ZNF512B: variants seen among roughly 807,000 people sequenced by gnomAD.
The protein encoded by ZNF512B is zinc finger protein 512B.
Under a neutral mutation model 87.8 loss-of-function variants are expected in ZNF512B, and 22 were observed. The observed-to-expected ratio is 0.25, with a 90% CI of 0.18 to 0.36. The LOEUF (loss-of-function observed/expected upper bound fraction) is 0.36. Among genes scored for constraint, ZNF512B ranks in the 10% least tolerant of loss-of-function variants. The pLI is 1.00. For synonymous variants in ZNF512B, 524 were observed against 490.9 expected (o/e 1.07, Z -0.89); for missense variants, 1,060 against 1,231.6 (o/e 0.86, Z 2.09).
chr20:63,967,575 C>T (rs751790188), intron 2 of ZNF512B, 52 bp from the exon 3 acceptor site: 1 of 1,534,606 alleles, frequency 6.5e-7, no homozygotes, highest in East Asian at 2.3e-5. Context: ...CCGCCTACCA[C>T]CGGCGGCTGC....
rs759644888 is a variant in ZNF512B, at chr20:63,963,620, T to C, written c.1696A>G (p.Lys566Glu). The C allele has an allele frequency of 6.2e-7, 1 of 1,613,518 alleles. No homozygotes were observed. The highest frequency in any genetic ancestry group is 1.7e-5 in the Admixed American group (1 of 60,020). Reference sequence around the variant, plus strand: ...GGGAGCTGGGGGCCCGACGGTACCTTGGCACTGTGCTCGGCCATAGTGTGG... The same window carrying C: ...GGGAGCTGGGGGCCCGACGGTACCTCGGCACTGTGCTCGGCCATAGTGTGG... ...NYHTMAEHSA[K>E]PSDAEASEGG... The change falls in exon 10 of 17, where the codon AAG becomes GAG. Residue 566 changes from lysine to glutamate, a missense_variant and splice_region_variant. Lys to Glu is a moderately conservative substitution (Grantham distance 56). This residue lies in a region of ZNF512B where 165 missense variants were observed against 173.0 expected (regional missense o/e 0.95). Transcript: ENST00000369888.
chr20:63,962,833 A>T lies in ZNF512B; in HGVS notation c.1969-52T>A, dbSNP rs769846342. On this transcript the variant is annotated intron_variant, in intron 12 of 16. Coordinates refer to ENST00000369888, the MANE Select transcript of ZNF512B (RefSeq NM_020713.3). The stretch of plus-strand genomic sequence containing the variant: ...AGAGTGAGCCGCGGGAGCAAGAGTC[A>T]GGTCAGCGCGCGGCGAGGCCACCCT... The T allele has an allele frequency of 2.0e-6, 3 of 1,511,162 alleles. No homozygotes were observed. The Admixed American group carries it at 6.5e-5, about 33-fold the overall frequency. 93.6% of individuals were successfully genotyped at this position (1,511,162 alleles called of 1,614,324 possible). A position where few individuals can be genotyped will look rare whatever the true frequency, so the allele number is the denominator to read the frequency against.
chr20:63,960,031 G>A lies in ZNF512B; in HGVS notation c.2536C>T (p.Arg846Ter), dbSNP rs1000896185. 3 of 1,613,794 alleles carry A rather than the reference G, an allele frequency of 1.9e-6. No individual in the cohort carries two copies. Among genetic ancestry groups the A allele is most frequent in the Non-Finnish European group, 1.7e-6 (2 of 1,180,022 alleles). The change falls in exon 17 of 17, where the codon CGA becomes TGA. Residue 846 changes from arginine to a stop codon, truncating the protein, a stop_gained. Transcript: ENST00000369888. LOFTEE classifies it high-confidence loss of function. The part of the protein sequence containing the change: ...KNLAGGKKRG[R>*]KPKERTPEEP... Reference sequence around the variant, plus strand: ...TCTGGGGTCCGCTCCTTGGGCTTTCGGCCCCGCTTCTTTCCACCTGCCAGA... The same window carrying A: ...TCTGGGGTCCGCTCCTTGGGCTTTCAGCCCCGCTTCTTTCCACCTGCCAGA...
chr20:63,963,621 G>A lies in ZNF512B; in HGVS notation c.1695C>T (p.Ala565=). ...GGAGCTGGGGGCCCGACGGTACCTT[G>A]GCACTGTGCTCGGCCATAGTGTGGT... ...LNYHTMAEHS[A]KPSDAEASEG... Residue 565 remains alanine (A), a synonymous_variant, in exon 10 of 17, where the codon GCC becomes GCT. Coordinates refer to ENST00000369888, the MANE Select transcript of ZNF512B (RefSeq NM_020713.3). The A allele has an allele frequency of 6.2e-7, 1 of 1,613,558 alleles. No individual in the cohort carries two copies. Among genetic ancestry groups the A allele is most frequent in the Non-Finnish European group, 8.5e-7 (1 of 1,180,000 alleles).
chr20:63,957,502 G>A lies in ZNF512B; in HGVS notation c.*2386C>T, dbSNP rs1057498724. On this transcript the variant is annotated 3_prime_UTR_variant, in exon 17 of 17. Coordinates refer to ENST00000369888, the MANE Select transcript of ZNF512B (RefSeq NM_020713.3). ...TCTGCGGACCAGCATGTGGCAGAGG[G>A]AGGGCAGAAAGGAGGGGGTCAGACC... The A allele has an allele frequency of 3.3e-5, 5 of 152,676 alleles. No homozygotes were observed. The highest frequency in any genetic ancestry group is 7.3e-5 in the Non-Finnish European group (5 of 68,150). 9.5% of individuals were successfully genotyped at this position (152,676 alleles called of 1,614,324 possible). A position where few individuals can be genotyped will look rare whatever the true frequency, so the allele number is the denominator to read the frequency against.
chr20:63,960,993 C>T (rs961220441), intron 16 of ZNF512B, among the ~76,000 whole-genome samples: 2 of 150,280 alleles, frequency 1.3e-5, no homozygotes, highest in African/African-American at 4.9e-5. Context: ...ACACAGCCTT[C>T]GGGACCAGGC....
chr20:63,963,020 T>C, intron 12 of ZNF512B, 75 bp downstream of exon 12: 1 of 1,455,712 alleles, frequency 6.9e-7, no homozygotes, highest in Non-Finnish European at 9.1e-7. Flanking sequence ...ACAAATACAG[T>C]TGGCACCCAA....
Position 63,960,037 on chromosome 20 carries a change from G to T in ZNF512B, c.2530C>A (p.Arg844=). ...GTCCGCTCCTTGGGCTTTCGGCCCC[G>T]CTTCTTTCCACCTGCCAGATTTTTC... is the stretch of plus-strand genomic sequence containing the variant. ...KKKNLAGGKK[R]GRKPKERTPE... is the part of the protein sequence containing the mutation. Residue 844 remains arginine (R), a synonymous_variant, in exon 17 of 17, where the codon CGG becomes AGG. Transcript: ENST00000369888. 1 of 1,613,844 alleles carries T rather than the reference G, an allele frequency of 6.2e-7. No homozygotes were observed. The highest frequency in any genetic ancestry group is 8.5e-7 in the Non-Finnish European group (1 of 1,180,012).
rs2058962792 is a variant in ZNF512B, at chr20:63,969,822, C to T, written c.-11G>A. 7.9e-6 allele frequency: 1 copy of T among 127,370 alleles called. No individual in the cohort carries two copies. Among genetic ancestry groups the T allele is most frequent in the South Asian group, 2.2e-4 (1 of 4,480 alleles). The allele number at this position is 127,370 out of a possible 1,614,324, so 7.9% of individuals were successfully genotyped here. The stretch of plus-strand genomic sequence containing the variant: ...CGCGGCCGGGCGCTTACCTGCGGCG[C>T]CCAGCGGGGCTGCGGCCGGGCCGGG... On this transcript the variant is annotated 5_prime_UTR_variant, in exon 1 of 17. Coordinates refer to ENST00000369888, the MANE Select transcript of ZNF512B (RefSeq NM_020713.3).
chr20:63,962,054 C>G (rs1450852654), intron 14 of ZNF512B, 50 bp from the exon 15 acceptor site: 8 of 1,532,908 alleles, frequency 5.2e-6, no homozygotes, highest in Non-Finnish European at 7.1e-6. Flanking sequence ...CACCCCACAC[C>G]AAGATATACC....
rs2058829924 is a variant in ZNF512B at position 63,959,876 on chromosome 20, C to G, written c.*12G>C. 7 of 1,560,018 alleles carry G rather than the reference C, an allele frequency of 4.5e-6. No individual in the cohort carries two copies. The highest frequency in any genetic ancestry group is 1.7e-4 in the Middle Eastern group (1 of 5,818). ...TGGCGGCTGCATGGGGGCCAGGCCC[C>G]ACGCACCATGCTCACTTTTCAGGCG... On this transcript the variant is annotated 3_prime_UTR_variant, in exon 17 of 17. Transcript: ENST00000369888.
Position 63,959,860 on chromosome 20 carries a change from C to A in ZNF512B, c.*28G>T. 6.5e-7 allele frequency: 1 copy of A among 1,529,702 alleles called. No homozygotes were observed. The highest frequency in any genetic ancestry group is 8.7e-7 in the Non-Finnish European group (1 of 1,148,094). 94.8% of individuals were successfully genotyped at this position (1,529,702 alleles called of 1,614,324 possible). On this transcript the variant is annotated 3_prime_UTR_variant, in exon 17 of 17. Transcript: ENST00000369888. ...TGAACAGAGGGCGGTGTGGCGGCTGCATGGGGGCCAGGCCCCACGCACCAT... is the reference window on the plus strand; with the variant it reads ...TGAACAGAGGGCGGTGTGGCGGCTGAATGGGGGCCAGGCCCCACGCACCAT...
chr20:63,967,163 G>T (rs73316611), intron 3 of ZNF512B, among the ~76,000 whole-genome samples, 159 bp from the exon 4 acceptor site: 4,088 of 152,298 alleles, frequency 0.027, 167 homozygotes, highest in African/African-American at 0.094. Context: ...CCTGGCAGGG[G>T]CCATGCACAA....
rs2058795736 is a variant in ZNF512B, at chr20:63,958,053, C to G, written c.*1835G>C. The G allele has an allele frequency of 6.6e-6, 1 of 152,228 alleles. No homozygotes were observed. The highest frequency in any genetic ancestry group is 2.4e-5 in the African/African-American group (1 of 41,426). The allele number at this position is 152,228 out of a possible 1,614,324, so 9.4% of individuals were successfully genotyped here. The stretch of plus-strand genomic sequence containing the variant: ...GAGTCCGGGTCTCCACACCCACTCC[C>G]TGGCACATCTGGCAAGGGCTGCTGA... On this transcript the variant is annotated 3_prime_UTR_variant, in exon 17 of 17. Coordinates refer to ENST00000369888, the MANE Select transcript of ZNF512B (RefSeq NM_020713.3).
chr20:63,961,516 G>A lies in ZNF512B; in HGVS notation c.2329-109C>T. 1.9e-6 allele frequency: 2 copies of A among 1,032,816 alleles called. No homozygotes were observed. Among genetic ancestry groups the A allele is most frequent in the Middle Eastern group, 2.3e-4 (1 of 4,426 alleles). The allele number at this position is 1,032,816 out of a possible 1,614,324, so 64.0% of individuals were successfully genotyped here. On this transcript the variant is annotated intron_variant, in intron 15 of 16. Transcript: ENST00000369888. This position sits in a 1 kb window ranked among gnomAD's most constrained non-coding sequence, Gnocchi z 6.4. ...AGTCAGCGGTGGCCCAAGGAAAGCT[G>A]TGGCTGTCTGTGCCAGACAATGCAG...
In ZNF512B at chr20:63,963,179, G is replaced by C; in HGVS notation, c.1884C>G (p.Pro628=). ...TGCCACAGTGGGTGCAGGGGAAGGA[G>C]GGGCTGTCCACCTCGCAGGGCGGCT... ...CGKPPCEVDS[P]SFPCTHCGKT... Residue 628 remains proline (P), a synonymous_variant, in exon 12 of 17, where the codon CCC becomes CCG. Transcript: ENST00000369888. 1 of 1,548,488 alleles carries C rather than the reference G, an allele frequency of 6.5e-7. No homozygotes were observed. Among genetic ancestry groups the C allele is most frequent in the Non-Finnish European group, 8.7e-7 (1 of 1,152,028 alleles).
chr20:63,962,039 G>A (rs543462066), intron 14 of ZNF512B, 35 bp from the exon 15 acceptor site: 25 of 1,548,454 alleles, frequency 1.6e-5, no homozygotes, highest in South Asian at 4.8e-5. Context: ...AAGGCCTCTG[G>A]TGGGCACCCC....
In ZNF512B at chr20:63,964,313, G is replaced by GTCT; in HGVS notation, c.1333+4_1333+6dup. 1 of 1,613,906 alleles carries GTCT rather than the reference G, an allele frequency of 6.2e-7. No individual in the cohort carries two copies. ...CCCTGGAGGTGCACACCGGGCTGGG[G>GTCT]TCTTACCTTTGAGCCCAAAGGTCCC... On this transcript the variant is annotated splice_region_variant and intron_variant, in intron 7 of 16. Transcript: ENST00000369888.
At chr20:63,960,279 C>T (rs945603221) in intron 16 of ZNF512B, 140 bp from the exon 17 acceptor site, 8 of 1,271,132 alleles carry the variant, frequency 6.3e-6, no homozygotes, top group Middle Eastern at 2.4e-4. Context: ...CCTTTAGGAC[C>T]AGGCAGGCAC....
Sources: gnomAD v4.1 joint callset for allele counts (sites outside exome capture counted in the v4.1 genomes callset) on GRCh38, gnomAD v4.1.1 for gene constraint, gnomAD v4.1.1 regional missense constraint, Gnocchi (gnomAD v3.1) non-coding constraint, MANE v1.5 for transcripts, NCBI Gene and HGNC (gene_info 2026-07-23, HGNC 2026-07-21) for gene names.